The following SPG11 variants were observed in gnomAD, a reference collection of about 807,000 sequenced individuals.
The protein encoded by SPG11 is SPG11 vesicle trafficking associated, spatacsin.
A neutral mutation model predicts 274.0 loss-of-function variants in SPG11; 222 were observed. The ratio of observed to expected loss-of-function variants is 0.81; its 90% CI spans 0.73 to 0.91. SPG11 has a LOEUF of 0.91. Among genes scored for constraint, SPG11 ranks in the 40% least tolerant of loss-of-function variants. The pLI is 0.00. For missense variants in SPG11, 3,114 were observed against 2,872.7 expected, an observed-to-expected ratio of 1.08 and a Z score of -1.92; for synonymous variants, 1,144 against 1,039.7, an observed-to-expected ratio of 1.10 and a Z score of -1.93.
chr15:44,630,682 C>T (rs1465140641), intron 8 of SPG11, among the ~76,000 whole-genome samples: 1 of 152,102 alleles, frequency 6.6e-6, no homozygotes, highest in Non-Finnish European at 1.5e-5. Context: ...TCCCTTCAAG[C>T]GATTCTCCTG....
At chr15:44,646,828 G>C (rs2084625782) in intron 7 of SPG11, among the ~76,000 whole-genome samples, 1 of 152,156 alleles carries the variant, frequency 6.6e-6, no homozygotes, top group Non-Finnish European at 1.5e-5. Context: ...TTACTTGAGG[G>C]TGGAGGGTAG....
rs758895071 is a variant in SPG11 at position 44,570,567 on chromosome 15, G to A, written c.6435C>T (p.Leu2145=). 1.1e-5 allele frequency: 17 copies of A among 1,614,064 alleles called. No homozygotes were observed. The highest frequency in any genetic ancestry group is 1.4e-5 in the Non-Finnish European group (17 of 1,180,036). ...CACTGGGGGCCAGGTGGTTATCTGT[G>A]AGCATGTGGGCGGCCTGTAGGACTC... ...IIRVLQAAHM[L]TDNHLAPSEE... is the part of the protein sequence containing the mutation. The change falls in exon 34 of 40, where the codon CTC becomes CTT. Residue 2145 remains leucine (L), a synonymous_variant. Coordinates refer to ENST00000261866, the MANE Select transcript of SPG11 (RefSeq NM_025137.4).
intron 28 of SPG11, among the ~76,000 whole-genome samples, chr15:44,589,011 T>C (rs1302191167): frequency 6.6e-6 from 1 of 152,214 alleles, no homozygotes; most frequent in Non-Finnish European, 1.5e-5. Flanking sequence ...GGAGGAAATG[T>C]GGCTATTTGG....
At chr15:44,640,484 A>T (rs2084408269) in intron 7 of SPG11, among the ~76,000 whole-genome samples, 1 of 152,192 alleles carries the variant, frequency 6.6e-6, no homozygotes, top group South Asian at 2.1e-4. Flanking sequence ...AAATCCTAAC[A>T]ATTTTTCATG....
At chr15:44,584,692 C>T (rs2082722159) in intron 29 of SPG11, 134 bp from the exon 30 acceptor site, 13 of 1,064,962 alleles carry the variant, frequency 1.2e-5, no homozygotes, top group South Asian at 2.7e-5. Flanking sequence ...GCAGTGGTGG[C>T]GATCACAGCA....
At chr15:44,587,387 G>A (rs1319501556) in intron 28 of SPG11, among the ~76,000 whole-genome samples, 8 of 152,042 alleles carry the variant, frequency 5.3e-5, no homozygotes, top group Admixed American at 1.3e-4. Flanking sequence ...TATAAAACAC[G>A]TTTTTACAGA....
chr15:44,633,682 GAA>G, intron 7 of SPG11, 45 bp from the exon 8 acceptor site: 1 of 1,576,704 alleles, frequency 6.3e-7, no homozygotes, highest in Non-Finnish European at 8.7e-7. Flanking sequence ...ATTACAATAG[GAA>G]AAAAAAATCA....
At position 44,621,870 on chromosome 15, in the gene SPG11, C is replaced by A. The variant is rs762708084; in HGVS notation, c.2509G>T (p.Asp837Tyr). The A allele has an allele frequency of 3.1e-6, 5 of 1,613,780 alleles. No individual in the cohort carries two copies. Among genetic ancestry groups the A allele is most frequent in the Non-Finnish European group, 4.2e-6 (5 of 1,179,850 alleles). The change falls in exon 14 of 40, where the codon GAT (aspartate) becomes TAT (tyrosine). Residue 837 changes from aspartate (D) to tyrosine (Y), a missense_variant. By Grantham distance (160) the Asp-to-Tyr change is radical. Coordinates refer to ENST00000261866, the MANE Select transcript of SPG11 (RefSeq NM_025137.4). ...KSVLDSFLKY[D>Y]CKDEFNKQDH... is the part of the protein sequence containing the mutation. ...TGTTTGTTAAATTCATCTTTACAAT[C>A]ATATTTCAGGAATGAGTCCAAAACA...
At chr15:44,596,685 AAAAAAG>A in intron 24 of SPG11, 93 bp downstream of exon 24, 2 of 768,356 alleles carry the variant, frequency 2.6e-6, no homozygotes, top group Non-Finnish European at 1.9e-6. Context: ...AAAAAAAAAA[AAAAAAG>A]GCCTATGTCA....
At chr15:44,653,679 G>T (rs1287118256) in intron 4 of SPG11, among the ~76,000 whole-genome samples, 1 of 152,144 alleles carries the variant, frequency 6.6e-6, no homozygotes, top group East Asian at 1.9e-4. Context: ...GACAGAAAGG[G>T]TAGGACCTGA....
intron 36 of SPG11, 91 bp from the exon 37 acceptor site, chr15:44,566,396 C>T: frequency 1.6e-6 from 2 of 1,276,120 alleles, no homozygotes. Flanking sequence ...AGAATAGAAA[C>T]ATCCCAGCCA....
Position 44,651,912 on chromosome 15 carries a change from C to T in SPG11, c.1035G>A (p.Leu345=). 1 of 1,611,958 alleles carries T rather than the reference C, an allele frequency of 6.2e-7. No homozygotes were observed. The highest frequency in any genetic ancestry group is 8.5e-7 in the Non-Finnish European group (1 of 1,179,598). ...GTTTGGAGTTCTTTATTGTTTCATT[C>T]AATGATGATAGCTGGGCTTTCCAAG... The part of the protein sequence containing the change: ...DRSWKAQLSS[L]NETIKNSKLE... The change falls in exon 6 of 40, where the codon TTG becomes TTA. Residue 345 remains leucine (L), a synonymous_variant. Coordinates refer to ENST00000261866, the MANE Select transcript of SPG11 (RefSeq NM_025137.4).
rs780522542 is a variant in SPG11, at chr15:44,620,588, C to A, written c.2621-185G>T. 4.7e-5 allele frequency: 27 copies of A among 573,734 alleles called. No individual in the cohort carries two copies. The East Asian group carries it at 7.9e-4, about 17-fold the overall frequency. 35.5% of individuals were successfully genotyped at this position (573,734 alleles called of 1,614,324 possible). On this transcript the variant is annotated intron_variant, in intron 14 of 39. Coordinates refer to ENST00000261866, the MANE Select transcript of SPG11 (RefSeq NM_025137.4). ...ACAGGATCTCGCTGTGTTGCCCAGG[C>A]TGGAGTGCAGTGGTGCACTCGTGGC... is the stretch of plus-strand genomic sequence containing the variant.
chr15:44,575,242 C>T lies in SPG11; in HGVS notation c.5867-201G>A, dbSNP rs1195969294. On this transcript the variant is annotated intron_variant, in intron 30 of 39. Coordinates refer to ENST00000261866, the MANE Select transcript of SPG11 (RefSeq NM_025137.4). ...CAGGAAATCCCACCCTGGGATACTT[C>T]AAAGACCTCATATGCTACAAAGATC... is the stretch of plus-strand genomic sequence containing the variant. The T allele has an allele frequency of 1.0e-5, 6 of 602,164 alleles. No individual in the cohort carries two copies. The Admixed American group carries it at 1.2e-4, about 12-fold the overall frequency. The allele number at this position is 602,164 out of a possible 1,614,324, so 37.3% of individuals were successfully genotyped here.
chr15:44,611,809 CT>C (rs71111871), intron 17 of SPG11, among the ~76,000 whole-genome samples: 3 of 119,486 alleles, frequency 2.5e-5, no homozygotes, highest in African/African-American at 3.1e-5. Context: ...TGGTCACTGT[CT>C]TTTTTTTTTT....
intron 36 of SPG11, 38 bp downstream of exon 36, chr15:44,567,386 C>CA (rs1567127044): frequency 6.3e-7 from 1 of 1,591,630 alleles, no homozygotes; most frequent in East Asian, 2.2e-5. Flanking sequence ...ACCTAGCTAG[C>CA]AGCACTGTTC....
Position 44,626,494 on chromosome 15 carries a change from C to G in SPG11, c.2081G>C (p.Ser694Thr). Residue 694 changes from serine (S) to threonine (T), a missense_variant, in exon 11 of 40, where the codon AGC becomes ACC. By Grantham distance (58) the Ser-to-Thr change is moderately conservative. Coordinates refer to ENST00000261866, the MANE Select transcript of SPG11 (RefSeq NM_025137.4). ...TGGTATTTTGTTGTTTAAAATGGCG[C>G]TGGCAATAACTTCCTAGGAAAAGAA... The part of the protein sequence containing the change: ...KKLSFEEVIA[S>T]AILNNKIPEA... 1 of 1,613,748 alleles carries G rather than the reference C, an allele frequency of 6.2e-7. No homozygotes were observed. The highest frequency in any genetic ancestry group is 8.5e-7 in the Non-Finnish European group (1 of 1,179,898).
At chr15:44,606,429 TAA>T (rs2083319827) in intron 19 of SPG11, among the ~76,000 whole-genome samples, 1 of 151,956 alleles carries the variant, frequency 6.6e-6, no homozygotes, top group Non-Finnish European at 1.5e-5. Context: ...GCAAGAGGGC[TAA>T]AAGACTAGAA....
chr15:44,653,030 G>C (rs1007260129), intron 4 of SPG11, among the ~76,000 whole-genome samples: 1 of 152,196 alleles, frequency 6.6e-6, no homozygotes, highest in South Asian at 2.1e-4. Context: ...ATAGGTGGGA[G>C]AGTATATGTG....
Sources: gnomAD v4.1 joint callset for allele counts (sites outside exome capture counted in the v4.1 genomes callset) on GRCh38, gnomAD v4.1.1 for gene constraint, MANE v1.5 for transcripts, NCBI Gene and HGNC (gene_info 2026-07-23, HGNC 2026-07-21) for gene names.